Variants in ZBTB7C observed in about 807,000 individuals in gnomAD.
ZBTB7C encodes the protein zinc finger and BTB domain-containing protein 7C.
In ZBTB7C, 8 loss-of-function variants were observed where a neutral mutation model predicts 25.7. That is an observed-to-expected ratio of 0.31 (90% CI 0.18 to 0.56). The LOEUF (loss-of-function observed/expected upper bound fraction) is 0.56, where lower values mean the gene tolerates loss of function less well. ZBTB7C is among the 20% of genes least tolerant of loss of function. The pLI, the probability that ZBTB7C is intolerant of heterozygous loss-of-function variation, is 0.91. For missense variants in ZBTB7C, 824 were observed against 855.2 expected (o/e 0.96, Z 0.46); for synonymous variants, 394 against 369.0 (o/e 1.07, Z -0.78).
At chr18:48,253,466 A>G (rs2043929046) in intron 2 of ZBTB7C, among the ~76,000 whole-genome samples, 2 of 152,284 alleles carry the variant, frequency 1.3e-5, no homozygotes, top group East Asian at 3.9e-4. Flanking sequence ...GAGATGAGAA[A>G]AACTAATGTG....
At chr18:48,169,372 G>A (rs533757215) in intron 3 of ZBTB7C, among the ~76,000 whole-genome samples, 2 of 152,218 alleles carry the variant, frequency 1.3e-5, no homozygotes, top group South Asian at 2.1e-4. Context: ...TAGATCACAC[G>A]ACTTCATGGG....
At chr18:48,161,470 G>C (rs1400878033) in intron 3 of ZBTB7C, among the ~76,000 whole-genome samples, 1 of 152,102 alleles carries the variant, frequency 6.6e-6, no homozygotes, top group African/African-American at 2.4e-5. Context: ...TGAGGGTAGA[G>C]GGTGCTGGGC....
rs568732108 is a variant in ZBTB7C, at chr18:48,139,580, G to A, written c.-17+46354C>T. On this transcript the variant is annotated intron_variant, in intron 3 of 4. Transcript: ENST00000590800. ...AGAGCTGGCTGCTGTCCAGCCCACC[G>A]GCTGGGTCCTGCAGTGGACAGTGAA... Among the ~76,000 whole-genome samples the A allele has an allele frequency of 7.9e-5, 12 of 152,208 alleles. No homozygotes were observed. In the East Asian group the frequency reaches 1.9e-3, roughly 25 times the overall value.
chr18:48,407,370 G>A (rs975696270), intron 1 of ZBTB7C, among the ~76,000 whole-genome samples: 2 of 152,236 alleles, frequency 1.3e-5, no homozygotes, highest in African/African-American at 2.4e-5. Context: ...AGGAAAAGTT[G>A]GGATAGTGTC....
intron 3 of ZBTB7C, among the ~76,000 whole-genome samples, chr18:48,106,249 A>C (rs368550058): frequency 6.6e-6 from 1 of 151,882 alleles, no homozygotes; most frequent in Non-Finnish European, 1.5e-5. Context: ...CCAGCATCTC[A>C]TCTTCAGCAA....
chr18:48,062,976 C>T (rs146972235), intron 3 of ZBTB7C, among the ~76,000 whole-genome samples: 308 of 152,312 alleles, frequency 2.0e-3, no homozygotes, highest in Non-Finnish European at 3.7e-3. Flanking sequence ...AGGATGGAGG[C>T]CCTGGCATCA....
Position 48,367,200 on chromosome 18 carries a change from TATACACACACAC to T in ZBTB7C, c.-303-28814_-303-28803del, listed in dbSNP as rs1220808675. On this transcript the variant is annotated intron_variant, in intron 1 of 4. Coordinates refer to ENST00000590800, the MANE Select transcript of ZBTB7C (RefSeq NM_001318841.2). Reference sequence around the variant, plus strand: ...TTATATATATATATATATATATATATATACACACACACACACACACACACACACACACATACA... The same window carrying T: ...TTATATATATATATATATATATATATACACACACACACACACACACATACA... 3.5e-4 allele frequency among the ~76,000 whole-genome samples: 23 copies of T among 66,018 alleles called. 1 individual carries two copies. The highest frequency in any genetic ancestry group is 3.5e-3 in the Admixed American group (22 of 6,358). 43.3% of individuals were successfully genotyped at this position (66,018 alleles called of 152,430 possible). A position where few individuals can be genotyped will look rare whatever the true frequency, so the allele number is the denominator to read the frequency against.
chr18:48,052,707 G>C (rs1255793644), intron 3 of ZBTB7C, among the ~76,000 whole-genome samples: 1 of 152,078 alleles, frequency 6.6e-6, no homozygotes, highest in Non-Finnish European at 1.5e-5. Flanking sequence ...AGGAATTATA[G>C]TTAAAATCCT....
At chr18:48,087,849 G>C (rs1280090829) in intron 3 of ZBTB7C, 1 of 17,862 alleles carries the variant, frequency 5.6e-5, no homozygotes, top group Non-Finnish European at 2.1e-4. Flanking sequence ...AAAGTGGGTG[G>C]GGGGGGGGGG....
At chr18:48,213,018 C>T (rs1041063976) in intron 2 of ZBTB7C, among the ~76,000 whole-genome samples, 3 of 152,066 alleles carry the variant, frequency 2.0e-5, no homozygotes, top group Admixed American at 6.5e-5. Flanking sequence ...TTCCTCCAGC[C>T]GGAGACCGGC....
intron 3 of ZBTB7C, among the ~76,000 whole-genome samples, chr18:48,167,568 G>GTGTGTGTA (rs1568272698): frequency 2.0e-5 from 3 of 149,568 alleles, no homozygotes; most frequent in Non-Finnish European, 4.4e-5. Flanking sequence ...GCTAGGGTGT[G>GTGTGTGTA]TGTGTGTGTG....
intron 2 of ZBTB7C, among the ~76,000 whole-genome samples, chr18:48,331,096 GC>G (rs2046333305): frequency 6.6e-6 from 1 of 152,056 alleles, no homozygotes; most frequent in South Asian, 2.1e-4. Context: ...GGGCCAGAAG[GC>G]TTTGCTAGCC....
intron 1 of ZBTB7C, among the ~76,000 whole-genome samples, chr18:48,368,481 G>A (rs1021903873): frequency 6.6e-6 from 1 of 152,122 alleles, no homozygotes; most frequent in Non-Finnish European, 1.5e-5. Flanking sequence ...TAACATTTCT[G>A]TCACTGGAGT....
chr18:48,264,470 C>A (rs2044255574), intron 2 of ZBTB7C, among the ~76,000 whole-genome samples: 1 of 152,206 alleles, frequency 6.6e-6, no homozygotes, highest in South Asian at 2.1e-4. Flanking sequence ...ACTCCCCAGG[C>A]TTGGCTTGAT....
At chr18:48,408,720 G>T (rs2145349073) in intron 1 of ZBTB7C, 1 of 152,180 alleles carries the variant, frequency 6.6e-6, no homozygotes, top group South Asian at 2.1e-4. Flanking sequence ...CAGAAGTGCG[G>T]TAAAACTTTT....
At chr18:48,067,590 G>A (rs1191409155) in intron 3 of ZBTB7C, among the ~76,000 whole-genome samples, 2 of 152,172 alleles carry the variant, frequency 1.3e-5, no homozygotes, top group African/African-American at 2.4e-5. Context: ...AGAGGAAGAG[G>A]TAACTCTGTC....
At chr18:48,231,121 T>C (rs1375442876) in intron 2 of ZBTB7C, among the ~76,000 whole-genome samples, 4 of 152,130 alleles carry the variant, frequency 2.6e-5, no homozygotes, top group Non-Finnish European at 5.9e-5. Flanking sequence ...GCACTGTGGA[T>C]GGCCGGTTAA....
At chr18:48,071,125 C>A (rs968521670) in intron 3 of ZBTB7C, among the ~76,000 whole-genome samples, 2 of 152,152 alleles carry the variant, frequency 1.3e-5, no homozygotes, top group East Asian at 3.8e-4. Context: ...CTATGGATTT[C>A]CAGAGACTTC....
intron 2 of ZBTB7C, among the ~76,000 whole-genome samples, chr18:48,308,727 T>C (rs1319889013): frequency 6.6e-6 from 1 of 152,200 alleles, no homozygotes; most frequent in African/African-American, 2.4e-5. Context: ...CCTTGAGTAG[T>C]TCTGTTCGTT....
Sources: allele counts gnomAD v4.1 joint callset (sites outside exome capture counted in the v4.1 genomes callset), GRCh38; gene constraint gnomAD v4.1.1; transcripts MANE v1.5; gene names NCBI Gene and HGNC (gene_info 2026-07-23, HGNC 2026-07-21).